Variants in PCDHA4 observed in about 807,000 individuals in gnomAD.
PCDHA4 encodes protocadherin alpha 4, also known as protocadherin alpha-4.
In PCDHA4, 49 loss-of-function variants were observed where a neutral mutation model predicts 61.4. The ratio of observed to expected loss-of-function variants is 0.80; its 90% CI spans 0.63 to 1.01. PCDHA4 has a LOEUF of 1.01. Among genes scored for constraint, PCDHA4 ranks in the 50% least tolerant of loss-of-function variants. The pLI is 0.00. For missense variants in PCDHA4, 1,254 were observed against 1,235.8 expected (o/e 1.01, Z -0.22); for synonymous variants, 590 against 550.3 (o/e 1.07, Z -1.01).
chr5:140,858,123 T>C, intron 1 of PCDHA4: 1 of 1,597,678 alleles, frequency 6.3e-7, no homozygotes, highest in East Asian at 2.2e-5. Flanking sequence ...GTGGCCCTGG[T>C]GGATGTCAAC....
chr5:140,934,209 C>G (rs1554209791), intron 1 of PCDHA4, among the ~76,000 whole-genome samples: 1 of 152,068 alleles, frequency 6.6e-6, no homozygotes, highest in Non-Finnish European at 1.5e-5. Context: ...TTTCCTCACA[C>G]AAAATGTTTA....
chr5:140,829,590 G>A, intron 1 of PCDHA4: 1 of 1,612,072 alleles, frequency 6.2e-7, no homozygotes, highest in Non-Finnish European at 8.5e-7. Context: ...CGGCGGGTGG[G>A]CGAGCGCGCG....
intron 1 of PCDHA4, chr5:140,967,662 A>G: frequency 6.2e-7 from 1 of 1,614,192 alleles, no homozygotes; most frequent in Non-Finnish European, 8.5e-7. Context: ...TTGAGCAGCT[A>G]CACGTCGGAC....
intron 1 of PCDHA4, chr5:140,823,306 G>T (rs2150124482): frequency 6.2e-7 from 1 of 1,612,180 alleles, no homozygotes; most frequent in Non-Finnish European, 8.5e-7. Flanking sequence ...TTCGGTGCAC[G>T]CGGAGAGCGG....
At chr5:140,857,733 C>T (rs2044837813) in intron 1 of PCDHA4, 1 of 1,597,494 alleles carries the variant, frequency 6.3e-7, no homozygotes, top group Non-Finnish European at 8.6e-7. Flanking sequence ...GACAACGCTC[C>T]CGCGCTGCTG....
rs2150355650 is a variant in PCDHA4 at position 140,843,239 on chromosome 5, G to A, written c.2385+33667G>A. 1.4e-4 allele frequency: 219 copies of A among 1,595,896 alleles called. 23 individuals carry two copies. Among genetic ancestry groups the A allele is most frequent in the Non-Finnish European group, 1.8e-4 (209 of 1,165,556 alleles). On this transcript the variant is annotated intron_variant, in intron 1 of 3. Coordinates refer to ENST00000530339, the MANE Select transcript of PCDHA4 (RefSeq NM_018907.4). ...CAGCACCACTCGTGTCCTGGACGAA[G>A]CGGACTCTCCGCGCCACCGTCTGCT... is the stretch of plus-strand genomic sequence containing the variant.
intron 1 of PCDHA4, chr5:140,823,046 T>C: frequency 6.2e-7 from 1 of 1,614,200 alleles, no homozygotes; most frequent in South Asian, 1.1e-5. Flanking sequence ...GAGCTGGTGG[T>C]GACCGCGCGG....
chr5:140,864,096 T>C (rs1459291547), intron 1 of PCDHA4: 1 of 152,506 alleles, frequency 6.6e-6, no homozygotes, highest in Non-Finnish European at 1.5e-5. Flanking sequence ...TTGATAAGTA[T>C]AATGATAATA....
At chr5:141,000,419 ATATTTTTT>A (rs1194100555) in intron 3 of PCDHA4, among the ~76,000 whole-genome samples, 4 of 60,996 alleles carry the variant, frequency 6.6e-5, no homozygotes, top group African/African-American at 2.3e-4. Flanking sequence ...ATATATATAT[ATATTTTTT>A]TTTTTTTTTT....
intron 1 of PCDHA4, among the ~76,000 whole-genome samples, chr5:140,960,147 T>C (rs2095529138): frequency 6.6e-6 from 1 of 152,322 alleles, no homozygotes; most frequent in Admixed American, 6.5e-5. Context: ...TATTAATAGC[T>C]TGAGACTGAT....
Position 140,951,753 on chromosome 5 carries a change from C to T in PCDHA4, c.2386-27196C>T, listed in dbSNP as rs140119406. ...ATTCTGCCACTGCCCTCACCCTCCGCGAAATCTCATGACGTTCTTACATTG... is the reference window on the plus strand; with the variant it reads ...ATTCTGCCACTGCCCTCACCCTCCGTGAAATCTCATGACGTTCTTACATTG... On this transcript the variant is annotated intron_variant, in intron 1 of 3. Transcript: ENST00000530339. Among the ~76,000 whole-genome samples the T allele has an allele frequency of 7.0e-3, 1,059 of 152,208 alleles. 11 individuals are homozygous for T. The highest frequency in any genetic ancestry group is 0.014 in the Admixed American group (209 of 15,290).
intron 3 of PCDHA4, among the ~76,000 whole-genome samples, chr5:140,990,685 C>T (rs1451672615): frequency 2.6e-5 from 4 of 152,252 alleles, no homozygotes; most frequent in South Asian, 4.1e-4. Context: ...AAGCTGCTTT[C>T]GGAGAGTCCA....
At chr5:140,817,415 G>T (rs2150098120) in intron 1 of PCDHA4, 1 of 152,208 alleles carries the variant, frequency 6.6e-6, no homozygotes, top group East Asian at 1.9e-4. Context: ...TGTTGAGTTG[G>T]TATACCTGTG....
intron 1 of PCDHA4, among the ~76,000 whole-genome samples, chr5:140,943,453 G>A (rs545980639): frequency 2.6e-5 from 4 of 152,040 alleles, no homozygotes; most frequent in Non-Finnish European, 5.9e-5. Context: ...GAATTGATAA[G>A]GCTAAATGTG....
At chr5:140,821,807 C>A (rs1291478949) in intron 1 of PCDHA4, 1 of 1,613,374 alleles carries the variant, frequency 6.2e-7, no homozygotes, top group African/African-American at 1.3e-5. Flanking sequence ...AGTCTGGGAT[C>A]CCGGCTCCTG....
chr5:140,876,806 T>C (rs1554168956), intron 1 of PCDHA4: 2 of 1,613,976 alleles, frequency 1.2e-6, no homozygotes, highest in South Asian at 2.2e-5. Context: ...TCCGTGGAGG[T>C]GGCCGACGTG....
At chr5:140,828,181 G>A (rs2150151926) in intron 1 of PCDHA4, 12 of 1,614,058 alleles carry the variant, frequency 7.4e-6, no homozygotes, top group Non-Finnish European at 9.3e-6. Flanking sequence ...GGAGCGGCCA[G>A]CTCCACTACT....
At chr5:140,835,476 C>T in intron 1 of PCDHA4, 3 of 1,613,922 alleles carry the variant, frequency 1.9e-6, no homozygotes, top group Non-Finnish European at 2.5e-6. Flanking sequence ...GGACGCCCAA[C>T]CAGGTACCGT....
chr5:140,917,329 G>GC (rs1563018868), intron 1 of PCDHA4, among the ~76,000 whole-genome samples: 1 of 143,930 alleles, frequency 6.9e-6, no homozygotes, highest in Non-Finnish European at 1.5e-5. Flanking sequence ...TGTGGCGGGG[G>GC]AGGGGGGGGA....
Sources: gnomAD v4.1 joint callset for allele counts (sites outside exome capture counted in the v4.1 genomes callset) on GRCh38, gnomAD v4.1.1 for gene constraint, MANE v1.5 for transcripts, NCBI Gene and HGNC (gene_info 2026-07-23, HGNC 2026-07-21) for gene names.